NBPF20: variants seen among roughly 807,000 people sequenced by gnomAD.
NBPF20 encodes the protein NBPF family member NBPF20.
A neutral mutation model predicts 68.1 loss-of-function variants in NBPF20; 90 were observed. The observed-to-expected ratio is 1.32, with a 90% CI of 1.11 to 1.58. The LOEUF is 1.58. Among genes scored for constraint, NBPF20 ranks in the 40% most tolerant of loss-of-function variants. The pLI, the probability that NBPF20 is intolerant of heterozygous loss-of-function variation, is 0.00. For synonymous variants in NBPF20, 290 were observed against 228.1 expected, an observed-to-expected ratio of 1.27 and a Z score of -2.45; for missense variants, 816 against 601.2, an observed-to-expected ratio of 1.36 and a Z score of -3.74.
At chr1:145,291,553 G>C in exon 138 of NBPF20, 2 of 1,612,002 alleles carry the variant, frequency 1.2e-6, no homozygotes, top group Non-Finnish European at 8.5e-7. Context: ...CTCCCATCTG[G>C]AACACCAGGT....
chr1:145,393,266 T>G lies in NBPF20; in HGVS notation c.1044-20A>C, dbSNP rs1662001839. ...CTGAGCCTGGAAAAGTGGGAAAAAG[T>G]AAAGAATAAGCCAGGGGGAATCAGA... On this transcript the variant is annotated intron_variant, in intron 9 of 137. Transcript: ENST00000369373. 6 of 647,080 alleles carry G rather than the reference T, an allele frequency of 9.3e-6. No homozygotes were observed. The highest frequency in any genetic ancestry group is 4.7e-5 in the Admixed American group (2 of 42,738). The allele number at this position is 647,080 out of a possible 1,614,324, so 40.1% of individuals were successfully genotyped here.
At chr1:145,419,428 C>T in the NBPF20 span, among the ~76,000 whole-genome samples, 3 of 152,148 alleles carry the variant, frequency 2.0e-5, no homozygotes, top group East Asian at 1.9e-4. Flanking sequence ...CACATAATTC[C>T]TCTGGCCCAC....
chr1:145,291,612 C>T (rs375093596), exon 138 of NBPF20: 160 of 1,611,778 alleles, frequency 9.9e-5, no homozygotes, highest in Middle Eastern at 2.2e-4. Context: ...ACGTAAAGGG[C>T]GAAGCTGATG....
At chr1:145,334,857 G>C (rs1661559419) in intron 83 of NBPF20, among the ~76,000 whole-genome samples, 1 of 139,134 alleles carries the variant, frequency 7.2e-6, no homozygotes, top group Non-Finnish European at 1.6e-5. Flanking sequence ...GAGAGAGAGA[G>C]AGGAGAAAGT....
At chr1:145,410,615 A>G in the NBPF20 span, among the ~76,000 whole-genome samples, 3 of 150,530 alleles carry the variant, frequency 2.0e-5, no homozygotes, top group South Asian at 2.1e-4. Flanking sequence ...GCCCGGCCCC[A>G]TGTATCTTCT....
At chr1:145,401,467 T>C (rs1293184053) in intron 4 of NBPF20, among the ~76,000 whole-genome samples, 1 of 134,874 alleles carries the variant, frequency 7.4e-6, no homozygotes, top group East Asian at 2.1e-4. Context: ...CTTGGTGTCC[T>C]GTCACGGTTT....
the NBPF20 span, among the ~76,000 whole-genome samples, chr1:145,413,593 A>G: frequency 6.7e-6 from 1 of 150,156 alleles, no homozygotes. Flanking sequence ...GGTTTCAAGA[A>G]ATGCAGAGCA....
chr1:145,425,352 C>T, the NBPF20 span, among the ~76,000 whole-genome samples: 1 of 151,912 alleles, frequency 6.6e-6, no homozygotes, highest in Non-Finnish European at 1.5e-5. Context: ...GGCGCCTTCA[C>T]CTCGGAAACG....
the NBPF20 span, among the ~76,000 whole-genome samples, chr1:145,417,275 A>G: frequency 1.3e-5 from 2 of 151,790 alleles, no homozygotes; most frequent in African/African-American, 4.8e-5. Context: ...TGCAAAAAAA[A>G]TAAATAAATC....
upstream of NBPF20, among the ~76,000 whole-genome samples, chr1:145,407,421 G>GTATACACGTATACATGTATACATGTA (rs1662841867): frequency 6.9e-6 from 1 of 145,272 alleles, no homozygotes; most frequent in African/African-American, 2.5e-5. Context: ...ATATATACAT[G>GTATACACGTATACATGTATACATGTA]TATACACGTA....
exon 2 of NBPF20, chr1:145,405,200 G>A (rs782319384): frequency 4.3e-6 from 7 of 1,611,732 alleles, no homozygotes; most frequent in South Asian, 3.3e-5. Flanking sequence ...AACTGGGGGC[G>A]CAATTTCTCG....
At chr1:145,395,706 T>C (rs1320821673) in intron 7 of NBPF20, among the ~76,000 whole-genome samples, 2 of 148,272 alleles carry the variant, frequency 1.3e-5, no homozygotes, top group Non-Finnish European at 2.9e-5. Context: ...AAATCCCTGT[T>C]TGAGGGTCTG....
rs1205197236 is a variant in NBPF20 at position 145,394,958 on chromosome 1, C to G, written c.991+20G>C. ...GGGCCATGAACTGGAGCTTTATCAC[C>G]TTCACAGTGTAGTACTCACTGCCTA... On this transcript the variant is annotated intron_variant, in intron 8 of 137. Coordinates refer to ENST00000369373, the Ensembl canonical transcript of NBPF20. 1.9e-6 allele frequency: 3 copies of G among 1,611,976 alleles called. No individual in the cohort carries two copies. The African/African-American group carries it at 4.0e-5, about 21-fold the overall frequency.
intron 13 of NBPF20, among the ~76,000 whole-genome samples, chr1:145,390,326 A>ACG (rs1485647764): frequency 1.5e-5 from 1 of 64,884 alleles, no homozygotes; most frequent in Non-Finnish European, 2.6e-5. Flanking sequence ...ACACACACAC[A>ACG]CACACACACA....
At chr1:145,366,599 C>A (rs1458845462) in intron 43 of NBPF20, among the ~76,000 whole-genome samples, 16 of 96,618 alleles carry the variant, frequency 1.7e-4, no homozygotes, top group Admixed American at 2.3e-4. Flanking sequence ...CAGACACACA[C>A]ACACACACAG....
chr1:145,404,949 C>T, intron 2 of NBPF20, 149 bp downstream of exon 7: 1 of 1,186,008 alleles, frequency 8.4e-7, no homozygotes, highest in Non-Finnish European at 1.2e-6. Context: ...GTACCTCTGT[C>T]TTCCAACTAA....
chr1:145,403,182 T>A, intron 3 of NBPF20, 34 bp downstream of exon 8: 1 of 1,611,874 alleles, frequency 6.2e-7, no homozygotes, highest in Non-Finnish European at 8.5e-7. Context: ...TTTACACACC[T>A]GCCCCCCTGC....
At chr1:145,422,000 T>A in the NBPF20 span, among the ~76,000 whole-genome samples, 1 of 150,730 alleles carries the variant, frequency 6.6e-6, no homozygotes, top group Non-Finnish European at 1.5e-5. Context: ...ATCATACCAC[T>A]CCACTCCAGC....
At chr1:145,291,714 C>T (rs1243615397) in exon 138 of NBPF20, 77 of 1,611,798 alleles carry the variant, frequency 4.8e-5, no homozygotes, top group Middle Eastern at 2.2e-4. Flanking sequence ...TAACATCCAT[C>T]CAGTGAGTCC....
Sources: gnomAD v4.1 joint callset for allele counts (sites outside exome capture counted in the v4.1 genomes callset) on GRCh38, gnomAD v4.1.1 for gene constraint, MANE v1.5 for transcripts, NCBI Gene and HGNC (gene_info 2026-07-23, HGNC 2026-07-21) for gene names.